GPRC5A: variants seen among roughly 807,000 people sequenced by gnomAD.
The protein encoded by GPRC5A is G protein-coupled receptor class C group 5 member A.
A neutral mutation model predicts 22.5 loss-of-function variants in GPRC5A; 19 were observed. The observed-to-expected ratio is 0.85, with a 90% CI of 0.59 to 1.24. The LOEUF (loss-of-function observed/expected upper bound fraction) is 1.24, where lower values mean the gene tolerates loss of function less well. Among genes scored for constraint, GPRC5A ranks in the 50% most tolerant of loss-of-function variants. The pLI is 0.00. For synonymous variants in GPRC5A, 192 were observed against 184.5 expected, an observed-to-expected ratio of 1.04 and a Z score of -0.33; for missense variants, 471 against 451.1, an observed-to-expected ratio of 1.04 and a Z score of -0.40.
rs1427742611 is a variant in GPRC5A at position 12,915,740 on chromosome 12, TTGGCCTCTGAAAGTGCTGGGATACCG to T, written c.*3224_*3249del. The stretch of plus-strand genomic sequence containing the variant: ...CTCCAAACCTCGTGATCCACCTACC[TTGGCCTCTGAAAGTGCTGGGATACCG>T]TGGCCTCTGAAAGTGCTGGGATTAC... On this transcript the variant is annotated 3_prime_UTR_variant, in exon 4 of 4. Coordinates refer to ENST00000014914, the MANE Select transcript of GPRC5A (RefSeq NM_003979.4). 6.0e-5 allele frequency: 23 copies of T among 381,130 alleles called. No individual in the cohort carries two copies. Among genetic ancestry groups the T allele is most frequent in the Admixed American group, 2.1e-4 (7 of 32,956 alleles). The allele number at this position is 381,130 out of a possible 1,614,324, so 23.6% of individuals were successfully genotyped here.
chr12:12,892,537 T>C (rs1863772861), intron 1 of GPRC5A, among the ~76,000 whole-genome samples: 1 of 152,076 alleles, frequency 6.6e-6, no homozygotes, highest in Non-Finnish European at 1.5e-5. Flanking sequence ...CTGGTTAATT[T>C]TGTATTTTTA....
rs1325554036 is a variant in GPRC5A, at chr12:12,894,377, G to A, written c.-8+2713G>A. Among the ~76,000 whole-genome samples the A allele has an allele frequency of 2.0e-5, 3 of 152,256 alleles. No individual in the cohort carries two copies. The East Asian group carries it at 5.8e-4, about 29-fold the overall frequency. ...AGTATGAAAGTCTCATGCAACTATA[G>A]TATTGCCTTTGGGTTCTCCTTGTAT... is the stretch of plus-strand genomic sequence containing the variant. On this transcript the variant is annotated intron_variant, in intron 1 of 3. Coordinates refer to ENST00000014914, the MANE Select transcript of GPRC5A (RefSeq NM_003979.4).
intron 1 of GPRC5A, among the ~76,000 whole-genome samples, chr12:12,892,584 C>A (rs751706650): frequency 2.4e-4 from 37 of 152,202 alleles, no homozygotes; most frequent in Non-Finnish European, 4.6e-4. Flanking sequence ...TCAGGTTGGT[C>A]TCAAACTCCC....
In GPRC5A at chr12:12,916,236, G is replaced by C. The variant is rs1316076522; in HGVS notation, c.*3697G>C. 1 of 153,360 alleles carries C rather than the reference G, an allele frequency of 6.5e-6. No homozygotes were observed. The highest frequency in any genetic ancestry group is 2.4e-5 in the African/African-American group (1 of 41,472). 9.5% of individuals were successfully genotyped at this position (153,360 alleles called of 1,614,324 possible). ...GGTCCTTGGGTGTTGCCAGTTGATT[G>C]ATGACTGGGAGCCAAAGTGGCATCT... is the stretch of plus-strand genomic sequence containing the variant. On this transcript the variant is annotated 3_prime_UTR_variant, in exon 4 of 4. Transcript: ENST00000014914.
chr12:12,913,286 T>C lies in GPRC5A; in HGVS notation c.*747T>C, dbSNP rs1061047. On this transcript the variant is annotated 3_prime_UTR_variant, in exon 4 of 4. Coordinates refer to ENST00000014914, the MANE Select transcript of GPRC5A (RefSeq NM_003979.4). Reference sequence around the variant, plus strand: ...CTCATCTCTCTAGTGCTGCCTCACATTGGGCCTCAGCAGCTCCCCAGCACC... The same window carrying C: ...CTCATCTCTCTAGTGCTGCCTCACACTGGGCCTCAGCAGCTCCCCAGCACC... 37,930 of 152,716 alleles carry C rather than the reference T, an allele frequency of 0.25. 5,519 individuals carry two copies. The highest frequency in any genetic ancestry group is 0.73 in the East Asian group (3,757 of 5,160). The allele number at this position is 152,716 out of a possible 1,614,324, so 9.5% of individuals were successfully genotyped here.
At chr12:12,899,831 T>C (rs1352347717) in intron 1 of GPRC5A, among the ~76,000 whole-genome samples, 1 of 152,232 alleles carries the variant, frequency 6.6e-6, no homozygotes, top group Non-Finnish European at 1.5e-5. Context: ...AGACACATTT[T>C]GACAGAATGA....
At chr12:12,895,135 G>T (rs971357442) in intron 1 of GPRC5A, among the ~76,000 whole-genome samples, 9 of 151,878 alleles carry the variant, frequency 5.9e-5, no homozygotes, top group African/African-American at 2.2e-4. Flanking sequence ...CAAGCCTTTT[G>T]GTCAATATAA....
At chr12:12,905,050 A>C (rs1482989664) in intron 1 of GPRC5A, among the ~76,000 whole-genome samples, 1 of 151,902 alleles carries the variant, frequency 6.6e-6, no homozygotes, top group Non-Finnish European at 1.5e-5. Context: ...ATGCCTGGCT[A>C]ATTTTTGTAT....
At chr12:12,902,935 C>G (rs569241271) in intron 1 of GPRC5A, among the ~76,000 whole-genome samples, 21 of 152,216 alleles carry the variant, frequency 1.4e-4, no homozygotes, top group Non-Finnish European at 2.5e-4. Context: ...GGCATGGTGG[C>G]GCATGCCTGT....
At position 12,912,154 on chromosome 12, in the gene GPRC5A, T is replaced by C; in HGVS notation, c.981+12T>C. 6.3e-7 allele frequency: 1 copy of C among 1,589,874 alleles called. No individual in the cohort carries two copies. Among genetic ancestry groups the C allele is most frequent in the Admixed American group, 1.7e-5 (1 of 59,980 alleles). On this transcript the variant is annotated intron_variant, in intron 3 of 3. Coordinates refer to ENST00000014914, the MANE Select transcript of GPRC5A (RefSeq NM_003979.4). ...ATTTTCAGCTGCAGGTAAGTGATTT[T>C]TTTCTCCCTCTTCATCAAAGGCATT...
intron 1 of GPRC5A, among the ~76,000 whole-genome samples, chr12:12,895,843 A>C (rs1433898009): frequency 6.8e-6 from 1 of 147,000 alleles, no homozygotes; most frequent in Non-Finnish European, 1.5e-5. Context: ...AAAAAAAAAA[A>C]TTAGCCGGGC....
rs1193023743 is a variant in GPRC5A, at chr12:12,914,096, G to C, written c.*1557G>C. 2 of 152,136 alleles carry C rather than the reference G, an allele frequency of 1.3e-5. No homozygotes were observed. The highest frequency in any genetic ancestry group is 4.8e-5 in the African/African-American group (2 of 41,414). 9.4% of individuals were successfully genotyped at this position (152,136 alleles called of 1,614,324 possible). ...CTTAATCCAAGAAAGAGCTCTGTAG[G>C]GCAGAGCAATAGGAAATCTCTCTTT... On this transcript the variant is annotated 3_prime_UTR_variant, in exon 4 of 4. Transcript: ENST00000014914.
intron 1 of GPRC5A, among the ~76,000 whole-genome samples, chr12:12,903,104 T>A (rs1339079053): frequency 1.3e-5 from 2 of 152,050 alleles, no homozygotes; most frequent in Non-Finnish European, 2.9e-5. Flanking sequence ...ATACACATAC[T>A]ATTTATAGAT....
rs552174550 is a variant in GPRC5A, at chr12:12,917,448, G to A, written c.*4909G>A. ...AATGGAGTTAATGCAACTAGATCAG[G>A]GTTTTGGGTCTGTGTTCTTTCTACC... On this transcript the variant is annotated 3_prime_UTR_variant, in exon 4 of 4. Coordinates refer to ENST00000014914, the MANE Select transcript of GPRC5A (RefSeq NM_003979.4). The A allele has an allele frequency of 6.6e-6, 1 of 151,948 alleles. No individual in the cohort carries two copies. Among genetic ancestry groups the A allele is most frequent in the Non-Finnish European group, 1.5e-5 (1 of 67,950 alleles). 9.4% of individuals were successfully genotyped at this position (151,948 alleles called of 1,614,324 possible). A position where few individuals can be genotyped will look rare whatever the true frequency, so the allele number is the denominator to read the frequency against.
At chr12:12,908,006 T>G (rs567402583) in intron 1 of GPRC5A, among the ~76,000 whole-genome samples, 10 of 152,300 alleles carry the variant, frequency 6.6e-5, no homozygotes, top group African/African-American at 2.2e-4. Flanking sequence ...AATATTAATA[T>G]AGTTAAACTG....
intron 1 of GPRC5A, among the ~76,000 whole-genome samples, chr12:12,894,879 C>T (rs898021362): frequency 4.9e-5 from 7 of 142,812 alleles, no homozygotes; most frequent in Admixed American, 7.7e-5. Context: ...CCCGGGTTCA[C>T]GCCATTCTCC....
At chr12:12,892,038 C>T (rs1193802544) in intron 1 of GPRC5A, 1 of 152,056 alleles carries the variant, frequency 6.6e-6, no homozygotes, top group East Asian at 1.9e-4. Flanking sequence ...TCAGAGGACC[C>T]GAAGGTACTG....
chr12:12,911,260 A>G lies in GPRC5A; in HGVS notation c.923-824A>G, dbSNP rs1864000950. Among the ~76,000 whole-genome samples the G allele has an allele frequency of 3.3e-5, 5 of 152,312 alleles. No individual in the cohort carries two copies. The South Asian group carries it at 8.3e-4, about 25-fold the overall frequency. ...AAATAAATGAATTGCTTTGAACTGC[A>G]TTCATGATGATTGCATGTGTTTATC... On this transcript the variant is annotated intron_variant, in intron 2 of 3. Transcript: ENST00000014914.
Position 12,915,682 on chromosome 12 carries a change from G to A in GPRC5A, c.*3143G>A, listed in dbSNP as rs1864056749. ...GATTTTTGTATTTTTAGTAGAGACA[G>A]GGTTTCACTATATGGGCCAGGCAGA... On this transcript the variant is annotated 3_prime_UTR_variant, in exon 4 of 4. Coordinates refer to ENST00000014914, the MANE Select transcript of GPRC5A (RefSeq NM_003979.4). 4.6e-6 allele frequency: 1 copy of A among 219,626 alleles called. No homozygotes were observed. Among genetic ancestry groups the A allele is most frequent in the Non-Finnish European group, 1.0e-5 (1 of 98,814 alleles). The allele number at this position is 219,626 out of a possible 1,614,324, so 13.6% of individuals were successfully genotyped here. A position where few individuals can be genotyped will look rare whatever the true frequency, so the allele number is the denominator to read the frequency against.
Sources: gnomAD v4.1 joint callset for allele counts (sites outside exome capture counted in the v4.1 genomes callset) on GRCh38, gnomAD v4.1.1 for gene constraint, MANE v1.5 for transcripts, NCBI Gene and HGNC (gene_info 2026-07-23, HGNC 2026-07-21) for gene names.